UGT1A5: variants seen among roughly 807,000 people sequenced by gnomAD.
UGT1A5 encodes UDP-glucuronosyltransferase 1A5.
In UGT1A5, 29 loss-of-function variants were observed where a neutral mutation model predicts 40.3. The ratio of observed to expected loss-of-function variants is 0.72; its 90% CI spans 0.54 to 0.98. The LOEUF is 0.98. Among genes scored for constraint, UGT1A5 ranks in the 50% least tolerant of loss-of-function variants. The probability of loss-of-function intolerance (pLI) is 0.00; values close to 1 mark genes in which losing one functional copy is unlikely to be tolerated. For missense variants in UGT1A5, 678 were observed against 677.9 expected (o/e 1.00, Z 0.00); for synonymous variants, 257 against 262.5 (o/e 0.98, Z 0.20).
At chr2:233,721,929 C>A in intron 1 of UGT1A5, 1 of 379,728 alleles carries the variant, frequency 2.6e-6, no homozygotes, top group East Asian at 7.5e-5. Context: ...AAAGTGACAT[C>A]CTTCAGACAC....
At chr2:233,746,657 G>T (rs4663333) in intron 1 of UGT1A5, among the ~76,000 whole-genome samples, 82,861 of 151,208 alleles carry the variant, frequency 0.55, 24,907 homozygotes, top group African/African-American at 0.8. Flanking sequence ...TTTCTGTCCC[G>T]AGTTCCTAGC....
intron 1 of UGT1A5, among the ~76,000 whole-genome samples, chr2:233,733,498 T>C (rs1311327798): frequency 2.0e-5 from 3 of 152,236 alleles, no homozygotes; most frequent in Non-Finnish European, 4.4e-5. Context: ...ACCTAGTTTA[T>C]TGCCAGTTTT....
intron 1 of UGT1A5, chr2:233,717,670 G>A (rs541224829): frequency 2.4e-6 from 1 of 419,168 alleles, no homozygotes; most frequent in African/African-American, 2.0e-5. Context: ...CAGCAATCTT[G>A]CGAGCACATG....
chr2:233,748,217 A>T, intron 1 of UGT1A5: 1 of 1,473,232 alleles, frequency 6.8e-7, no homozygotes, highest in East Asian at 2.4e-5. Flanking sequence ...CTTCAGTGAG[A>T]TAAACTGTTA....
At chr2:233,735,004 G>A (rs1486345884) in intron 1 of UGT1A5, among the ~76,000 whole-genome samples, 1 of 152,208 alleles carries the variant, frequency 6.6e-6, no homozygotes, top group Non-Finnish European at 1.5e-5. Flanking sequence ...ACTTAGGGTG[G>A]AGAGTTCTGT....
At chr2:233,764,915 C>T (rs892234743) in intron 1 of UGT1A5, among the ~76,000 whole-genome samples, 15 of 152,136 alleles carry the variant, frequency 9.9e-5, no homozygotes, top group East Asian at 1.9e-4. Context: ...AGAGGACTCA[C>T]GAGGGCCTGG....
intron 1 of UGT1A5, chr2:233,719,435 G>A (rs2076765581): frequency 6.2e-7 from 1 of 1,613,916 alleles, no homozygotes; most frequent in East Asian, 2.2e-5. Flanking sequence ...CAGACCACAT[G>A]ACATTCCTGC....
At chr2:233,729,266 T>C (rs6431625) in intron 1 of UGT1A5, 636,149 of 1,613,866 alleles carry the variant, frequency 0.39, 130,866 homozygotes, top group African/African-American at 0.67. Flanking sequence ...ATGCGGGAGG[T>C]CTTGCGGGAG....
At chr2:233,767,707 G>A (rs571789905) in intron 2 of UGT1A5, 142 bp from the exon 3 acceptor site, 2 of 1,523,576 alleles carry the variant, frequency 1.3e-6, no homozygotes, top group Non-Finnish European at 1.8e-6. Context: ...CCAGTCCTCA[G>A]AAGCCTTCAC....
At position 233,760,497 on chromosome 2, in the gene UGT1A5, C is replaced by G. The variant is rs1553620689; in HGVS notation, c.868-6537C>G. ...CTGACGCCTCGTTGTACATCAGAGACGGAGCATTTTACACCTTGAAGACGT... is the reference window on the plus strand; with the variant it reads ...CTGACGCCTCGTTGTACATCAGAGAGGGAGCATTTTACACCTTGAAGACGT... On this transcript the variant is annotated intron_variant, in intron 1 of 4. Transcript: ENST00000373414. 1.2e-6 allele frequency: 2 copies of G among 1,614,200 alleles called. No individual in the cohort carries two copies. The highest frequency in any genetic ancestry group is 2.7e-5 in the African/African-American group (2 of 75,048).
intron 1 of UGT1A5, among the ~76,000 whole-genome samples, chr2:233,749,836 C>T (rs550199256): frequency 1.5e-4 from 23 of 152,008 alleles, no homozygotes; most frequent in South Asian, 8.3e-4. Context: ...TCATGTAAGA[C>T]GTGTCTTTGC....
intron 1 of UGT1A5, among the ~76,000 whole-genome samples, chr2:233,746,975 C>T (rs1401004389): frequency 1.3e-5 from 2 of 151,722 alleles, no homozygotes; most frequent in Non-Finnish European, 2.9e-5. Context: ...TTCCCCAGAG[C>T]GAGCGCAGGG....
Position 233,724,346 on chromosome 2 carries a change from C to G in UGT1A5, c.867+10488C>G, listed in dbSNP as rs1441595042. On this transcript the variant is annotated intron_variant, in intron 1 of 4. Coordinates refer to ENST00000373414, the MANE Select transcript of UGT1A5 (RefSeq NM_019078.2). ...CTGGCCAGGCGGGGGGCTGACCCCC[C>G]CCACCTCCCTCCCGGACGGGGTGGC... 6.3e-4 allele frequency among the ~76,000 whole-genome samples: 93 copies of G among 148,184 alleles called. 1 individual carries two copies. The highest frequency in any genetic ancestry group is 1.0e-3 in the Non-Finnish European group (69 of 66,790).
At chr2:233,766,252 CGCT>C (rs1699078846) in intron 1 of UGT1A5, among the ~76,000 whole-genome samples, 1 of 151,626 alleles carries the variant, frequency 6.6e-6, no homozygotes, top group Non-Finnish European at 1.5e-5. Flanking sequence ...GGAGTCAGAC[CGCT>C]CAGTGGCCCG....
rs45510694 is a variant in UGT1A5, at chr2:233,718,970, G to C, written c.867+5112G>C. ...TCAGCATGCGGGAGGCCTTGCGGGA[G>C]CTCCATGCCAGAGGCCACCAGGCGG... On this transcript the variant is annotated intron_variant, in intron 1 of 4. Coordinates refer to ENST00000373414, the MANE Select transcript of UGT1A5 (RefSeq NM_019078.2). 4.6e-4 allele frequency: 737 copies of C among 1,614,150 alleles called. 2 individuals are homozygous for C. Among genetic ancestry groups the C allele is most frequent in the Middle Eastern group, 3.8e-3 (23 of 6,058 alleles).
intron 1 of UGT1A5, among the ~76,000 whole-genome samples, chr2:233,746,975 C>G (rs1401004389): frequency 6.6e-6 from 1 of 151,722 alleles, no homozygotes; most frequent in Non-Finnish European, 1.5e-5. Context: ...TTCCCCAGAG[C>G]GAGCGCAGGG....
chr2:233,742,224 G>A (rs191023728), intron 1 of UGT1A5, among the ~76,000 whole-genome samples: 4 of 152,020 alleles, frequency 2.6e-5, no homozygotes, highest in Non-Finnish European at 5.9e-5. Flanking sequence ...AGGGCTGAGA[G>A]CCCCAAACAG....
chr2:233,727,556 C>T (rs2077628647), intron 1 of UGT1A5, among the ~76,000 whole-genome samples: 1 of 152,116 alleles, frequency 6.6e-6, no homozygotes, highest in Non-Finnish European at 1.5e-5. Context: ...CACCTGGGCT[C>T]ATCATGAGGG....
At chr2:233,749,892 C>T (rs1443411185) in intron 1 of UGT1A5, among the ~76,000 whole-genome samples, 2 of 151,938 alleles carry the variant, frequency 1.3e-5, no homozygotes, top group African/African-American at 2.4e-5. Flanking sequence ...TGAGGCTCCC[C>T]CCTCCAGCCA....
Sources: gnomAD v4.1 joint callset for allele counts (sites outside exome capture counted in the v4.1 genomes callset) on GRCh38, gnomAD v4.1.1 for gene constraint, MANE v1.5 for transcripts, NCBI Gene and HGNC (gene_info 2026-07-23, HGNC 2026-07-21) for gene names.